The following ZMYM2 variants were observed in gnomAD, a reference collection of about 807,000 sequenced individuals.
ZMYM2 encodes the protein zinc finger MYM-type containing 2.
In ZMYM2, 56 loss-of-function variants were observed where a neutral mutation model predicts 162.8. The observed-to-expected ratio is 0.34, with a 90% CI of 0.28 to 0.43. The LOEUF (loss-of-function observed/expected upper bound fraction) is 0.43. Among genes scored for constraint, ZMYM2 ranks in the 20% least tolerant of loss-of-function variants. The probability of loss-of-function intolerance (pLI) is 1.00; values close to 1 mark genes in which losing one functional copy is unlikely to be tolerated. For synonymous variants in ZMYM2, 510 were observed against 541.6 expected (o/e 0.94, Z 0.81); for missense variants, 1,275 against 1,621.8 (o/e 0.79, Z 3.67).
chr13:20,053,852 G>C (rs1943941000), intron 14 of ZMYM2, among the ~76,000 whole-genome samples: 1 of 152,094 alleles, frequency 6.6e-6, no homozygotes, highest in Non-Finnish European at 1.5e-5. Flanking sequence ...TTTAAAATCA[G>C]ATAATTTGGA....
In ZMYM2 at chr13:20,030,754, G is replaced by A. The variant is rs183497934; in HGVS notation, c.1852-565G>A. 1.1e-4 allele frequency among the ~76,000 whole-genome samples: 16 copies of A among 152,044 alleles called. No homozygotes were observed. In the East Asian group the frequency reaches 2.1e-3, roughly 20 times the overall value. ...TTGCCATGTTGACCAGGCTGGTCTC[G>A]AACTCCTGACCTTGGGTGATCTGCC... is the stretch of plus-strand genomic sequence containing the variant. On this transcript the variant is annotated intron_variant, in intron 9 of 24. Coordinates refer to ENST00000610343, the MANE Select transcript of ZMYM2 (RefSeq NM_197968.4).
intron 21 of ZMYM2, chr13:20,071,112 G>A (rs751699202): frequency 6.6e-6 from 1 of 152,064 alleles, no homozygotes; most frequent in Non-Finnish European, 1.5e-5. Context: ...TTTTTTGAGA[G>A]TCTTGCTCTG....
At chr13:20,085,707 TA>T (rs2141078700) in intron 24 of ZMYM2, 114 bp from the exon 25 acceptor site, 2 of 773,376 alleles carry the variant, frequency 2.6e-6, no homozygotes, top group South Asian at 2.3e-5. Flanking sequence ...CAGTGGGGCA[TA>T]GGGGGTCTGG....
chr13:19,874,220 C>T, the ZMYM2 span, among the ~76,000 whole-genome samples: 2 of 151,888 alleles, frequency 1.3e-5, no homozygotes, highest in African/African-American at 4.8e-5. Context: ...TTCTTTATTT[C>T]TTTTTCTTTT....
intron 3 of ZMYM2, among the ~76,000 whole-genome samples, chr13:19,998,715 C>T (rs1950188885): frequency 6.6e-6 from 1 of 152,098 alleles, no homozygotes; most frequent in Non-Finnish European, 1.5e-5. Context: ...GGTATGAATA[C>T]AGTCAGGTAA....
intron 2 of ZMYM2, among the ~76,000 whole-genome samples, chr13:19,968,323 A>G (rs1257480316): frequency 6.7e-6 from 1 of 150,126 alleles, no homozygotes; most frequent in Non-Finnish European, 1.5e-5. Flanking sequence ...GTCCACTGCA[A>G]CCTCCGCCTC....
chr13:19,880,479 AG>A, the ZMYM2 span, among the ~76,000 whole-genome samples: 2 of 152,044 alleles, frequency 1.3e-5, no homozygotes, highest in African/African-American at 4.8e-5. Flanking sequence ...CCCAGGCAGA[AG>A]TGCAGTGCCG....
At chr13:20,019,470 CA>C in intron 6 of ZMYM2, 76 bp from the exon 7 acceptor site, 1 of 1,271,818 alleles carries the variant, frequency 7.9e-7, no homozygotes. Context: ...GCAACTTTTA[CA>C]TAATGCTTAT....
chr13:19,960,704 A>G (rs1005281452), intron 2 of ZMYM2, among the ~76,000 whole-genome samples: 10 of 152,158 alleles, frequency 6.6e-5, no homozygotes, highest in African/African-American at 1.7e-4. Flanking sequence ...AGAATTATTT[A>G]ATTTGTTGGT....
the ZMYM2 span, among the ~76,000 whole-genome samples, chr13:19,884,248 G>C: frequency 6.6e-6 from 1 of 152,090 alleles, no homozygotes; most frequent in Admixed American, 6.6e-5. Flanking sequence ...GTTGTGTCCA[G>C]TATTTATCCC....
chr13:19,931,468 A>G, the ZMYM2 span, among the ~76,000 whole-genome samples: 1 of 152,052 alleles, frequency 6.6e-6, no homozygotes, highest in African/African-American at 2.4e-5. Context: ...TCCGTGTTTC[A>G]CCTATCCGTC....
At chr13:19,931,572 A>G in the ZMYM2 span, among the ~76,000 whole-genome samples, 38 of 152,248 alleles carry the variant, frequency 2.5e-4, no homozygotes, top group Admixed American at 6.5e-4. Flanking sequence ...ATCATACAGT[A>G]TATTTCTTTT....
chr13:19,942,539 CAAAAAAA>C, the ZMYM2 span, among the ~76,000 whole-genome samples: 1 of 57,316 alleles, frequency 1.7e-5, no homozygotes, highest in African/African-American at 7.1e-5. Flanking sequence ...ACCGTCTCTA[CAAAAAAA>C]AAAAAAAAAG....
intron 1 of ZMYM2, among the ~76,000 whole-genome samples, chr13:19,959,655 C>T (rs1344065247): frequency 1.3e-5 from 2 of 152,128 alleles, no homozygotes; most frequent in Non-Finnish European, 2.9e-5. Context: ...AAATCCCTTG[C>T]TGGCGTCGAG....
intron 12 of ZMYM2, among the ~76,000 whole-genome samples, chr13:20,049,945 A>G (rs1193502678): frequency 6.6e-6 from 1 of 152,042 alleles, no homozygotes; most frequent in African/African-American, 2.4e-5. Context: ...AGAAACTGAA[A>G]GAAAGAAAAG....
chr13:19,931,625 CT>C, the ZMYM2 span, among the ~76,000 whole-genome samples: 3 of 152,048 alleles, frequency 2.0e-5, no homozygotes, highest in African/African-American at 4.8e-5. Context: ...CCAAAGTTTT[CT>C]TTTTTGTTTT....
upstream of ZMYM2, among the ~76,000 whole-genome samples, chr13:19,957,675 G>A (rs971085916): frequency 5.3e-5 from 8 of 152,256 alleles, no homozygotes; most frequent in African/African-American, 1.9e-4. Flanking sequence ...CAACCATTGA[G>A]GACCAGGAGA....
At chr13:19,937,234 C>T in the ZMYM2 span, among the ~76,000 whole-genome samples, 4 of 152,046 alleles carry the variant, frequency 2.6e-5, no homozygotes, top group Admixed American at 1.3e-4. Context: ...CTACAACCTC[C>T]GCCTCCTTGG....
At chr13:19,921,976 C>T in the ZMYM2 span, among the ~76,000 whole-genome samples, 2 of 151,922 alleles carry the variant, frequency 1.3e-5, no homozygotes, top group Admixed American at 1.3e-4. Context: ...TGCAGTGGTG[C>T]GATCTCGGCT....
Sources: allele counts gnomAD v4.1 joint callset (sites outside exome capture counted in the v4.1 genomes callset), GRCh38; gene constraint gnomAD v4.1.1; transcripts MANE v1.5; gene names NCBI Gene and HGNC (gene_info 2026-07-23, HGNC 2026-07-21).